The following TAFA1 variants were observed in gnomAD, a reference collection of about 807,000 sequenced individuals.
TAFA1 encodes chemokine-like protein TAFA-1.
In TAFA1, 4 loss-of-function variants were observed where a neutral mutation model predicts 18.5. That is an observed-to-expected ratio of 0.22 (90% CI 0.11 to 0.49). The LOEUF is 0.49. TAFA1 is among the 20% of genes least tolerant of loss of function. The probability of loss-of-function intolerance (pLI) is 0.98; values close to 1 mark genes in which losing one functional copy is unlikely to be tolerated. For synonymous variants in TAFA1, 56 were observed against 55.2 expected (o/e 1.01, Z -0.06); for missense variants, 147 against 169.0 (o/e 0.87, Z 0.72).
chr3:68,455,323 T>C (rs2071641591), intron 3 of TAFA1, among the ~76,000 whole-genome samples: 1 of 152,112 alleles, frequency 6.6e-6, no homozygotes, highest in Non-Finnish European at 1.5e-5. Context: ...GATGTAACTT[T>C]ACAGAAATGC....
chr3:68,001,268 G>C (rs920515232), upstream of TAFA1, among the ~76,000 whole-genome samples: 1 of 152,150 alleles, frequency 6.6e-6, no homozygotes, highest in Non-Finnish European at 1.5e-5. Flanking sequence ...CTGGAAGACA[G>C]ACAAGATAAG....
chr3:68,465,370 A>G (rs1216429501), intron 3 of TAFA1, among the ~76,000 whole-genome samples: 1 of 152,150 alleles, frequency 6.6e-6, no homozygotes, highest in Non-Finnish European at 1.5e-5. Context: ...ATAACCATCT[A>G]TGACTAGACA....
At chr3:68,384,634 A>G (rs1316160927) in intron 2 of TAFA1, among the ~76,000 whole-genome samples, 2 of 152,082 alleles carry the variant, frequency 1.3e-5, no homozygotes, top group Non-Finnish European at 2.9e-5. Flanking sequence ...AGAAGAATAT[A>G]TATTCTGTTG....
intron 2 of TAFA1, among the ~76,000 whole-genome samples, chr3:68,073,976 A>C (rs2064791056): frequency 6.6e-6 from 1 of 152,156 alleles, no homozygotes; most frequent in Non-Finnish European, 1.5e-5. Context: ...GTCTATTATT[A>C]TTACATTATA....
At chr3:68,327,644 G>C (rs1442144012) in intron 2 of TAFA1, among the ~76,000 whole-genome samples, 2 of 152,116 alleles carry the variant, frequency 1.3e-5, no homozygotes, top group Admixed American at 1.3e-4. Flanking sequence ...TAAATCCTTG[G>C]CTCAGTGCTG....
intron 2 of TAFA1, among the ~76,000 whole-genome samples, chr3:68,224,896 C>CTTTTTTT (rs71112624): frequency 2.2e-5 from 1 of 46,338 alleles, no homozygotes; most frequent in Non-Finnish European, 3.6e-5. Context: ...GCTTGTGGCA[C>CTTTTTTT]TTTTTTTTTT....
chr3:68,370,798 T>TTA (rs1553682607), intron 2 of TAFA1, among the ~76,000 whole-genome samples: 1 of 148,416 alleles, frequency 6.7e-6, no homozygotes, highest in Non-Finnish European at 1.5e-5. Flanking sequence ...TTTTTTTTTT[T>TTA]AATTGTCTGG....
chr3:68,398,864 ATTCT>A (rs2106739310), intron 2 of TAFA1, among the ~76,000 whole-genome samples: 1 of 152,312 alleles, frequency 6.6e-6, no homozygotes, highest in African/African-American at 2.4e-5. Context: ...AGAGTCACTC[ATTCT>A]TTATTTACAA....
chr3:68,379,040 T>C (rs1289660824), intron 2 of TAFA1, among the ~76,000 whole-genome samples: 1 of 152,190 alleles, frequency 6.6e-6, no homozygotes, highest in Non-Finnish European at 1.5e-5. Context: ...AAGAGATTGT[T>C]GGGTCAAATG....
chr3:68,446,912 T>G (rs1212776417), intron 3 of TAFA1, among the ~76,000 whole-genome samples: 1 of 152,184 alleles, frequency 6.6e-6, no homozygotes, highest in East Asian at 1.9e-4. Flanking sequence ...ATCAATCCAG[T>G]GACTTCTTGG....
At chr3:68,196,106 AT>A (rs2066407026) in intron 2 of TAFA1, among the ~76,000 whole-genome samples, 2 of 151,808 alleles carry the variant, frequency 1.3e-5, no homozygotes, top group African/African-American at 4.8e-5. Flanking sequence ...ACAGGTATAT[AT>A]TAAGTGGATA....
chr3:68,132,677 T>C (rs977925655), intron 2 of TAFA1, among the ~76,000 whole-genome samples: 4 of 152,238 alleles, frequency 2.6e-5, no homozygotes, highest in African/African-American at 9.6e-5. Flanking sequence ...ATGTCTTCTT[T>C]TGAGAAGTGT....
rs141278581 is a variant in TAFA1, at chr3:68,358,838, T to A, written c.119-58442T>A. ...AGATGATAATCCTTCTATGACCATT[T>A]TTGTAAACTGTTGTCACCAATTGAG... On this transcript the variant is annotated intron_variant, in intron 2 of 4. Coordinates refer to ENST00000478136, the MANE Select transcript of TAFA1 (RefSeq NM_213609.4). Among the ~76,000 whole-genome samples the A allele has an allele frequency of 1.5e-3, 222 of 152,006 alleles. 1 individual carries two copies. The highest frequency in any genetic ancestry group is 5.1e-3 in the African/African-American group (212 of 41,514).
chr3:68,211,671 C>G (rs1183698772), intron 2 of TAFA1, among the ~76,000 whole-genome samples: 2 of 152,074 alleles, frequency 1.3e-5, no homozygotes, highest in Non-Finnish European at 2.9e-5. Context: ...GCATAAGCAG[C>G]ATGGTGCTGG....
At chr3:68,537,912 G>C (rs923253351) in intron 3 of TAFA1, among the ~76,000 whole-genome samples, 1 of 152,116 alleles carries the variant, frequency 6.6e-6, no homozygotes, top group African/African-American at 2.4e-5. Flanking sequence ...TTAACTCAAG[G>C]CTGGTCACGT....
intron 2 of TAFA1, among the ~76,000 whole-genome samples, chr3:68,300,515 T>G (rs2068283874): frequency 6.6e-6 from 1 of 152,162 alleles, no homozygotes; most frequent in African/African-American, 2.4e-5. Context: ...CAGATGAGGC[T>G]TTGGACTTGG....
At chr3:68,520,992 C>A (rs182096614) in intron 3 of TAFA1, among the ~76,000 whole-genome samples, 14 of 152,234 alleles carry the variant, frequency 9.2e-5, no homozygotes, top group African/African-American at 3.1e-4. Context: ...AGCAGAATGC[C>A]CAACTGAAGC....
At chr3:67,992,923 C>A in the TAFA1 span, among the ~76,000 whole-genome samples, 1 of 152,228 alleles carries the variant, frequency 6.6e-6, no homozygotes. Flanking sequence ...CACACTTGAG[C>A]CAATCTCTGC....
intron 3 of TAFA1, among the ~76,000 whole-genome samples, chr3:68,523,152 G>C (rs969279192): frequency 6.6e-6 from 1 of 152,216 alleles, no homozygotes; most frequent in Non-Finnish European, 1.5e-5. Flanking sequence ...GAATGCCAGG[G>C]ATGATAGGGA....
Sources: gnomAD v4.1 joint callset for allele counts (sites outside exome capture counted in the v4.1 genomes callset) on GRCh38, gnomAD v4.1.1 for gene constraint, MANE v1.5 for transcripts, NCBI Gene and HGNC (gene_info 2026-07-23, HGNC 2026-07-21) for gene names.